Variants in SOX6 observed in about 807,000 individuals in gnomAD.
SOX6 encodes the protein transcription factor SOX-6.
SOX6 carries 11 observed loss-of-function variants against 97.8 expected under a neutral mutation model. That is an observed-to-expected ratio of 0.11 (90% CI 0.07 to 0.19). The LOEUF is 0.19. SOX6 is among the 10% of genes least tolerant of loss of function. The probability of loss-of-function intolerance (pLI) is 1.00; values close to 1 mark genes in which losing one functional copy is unlikely to be tolerated. For missense variants in SOX6, 810 were observed against 1,039.5 expected (o/e 0.78, Z 3.04); for synonymous variants, 360 against 371.4 (o/e 0.97, Z 0.35).
Position 16,431,588 on chromosome 11 carries a change from A to T in SOX6, c.-5+44727T>A, listed in dbSNP as rs563807402. On this transcript the variant is annotated intron_variant, in intron 1 of 15. Transcript: ENST00000396356. The stretch of plus-strand genomic sequence containing the variant: ...AAAACAAATTAAAATATTCCAATTT[A>T]TAAACTAGATGAGGAAAAATAAAAA... Among the ~76,000 whole-genome samples, 8 of 152,284 alleles carry T rather than the reference A, an allele frequency of 5.3e-5. No individual in the cohort carries two copies. In the South Asian group the frequency reaches 1.0e-3, roughly 20 times the overall value.
intron 4 of SOX6, among the ~76,000 whole-genome samples, chr11:16,556,454 C>T (rs1177611107): frequency 6.6e-6 from 1 of 151,704 alleles, no homozygotes; most frequent in Non-Finnish European, 1.5e-5. Context: ...CGTCCCTTGG[C>T]CCAAATATTC....
chr11:16,077,812 A>G (rs75282475), intron 9 of SOX6, among the ~76,000 whole-genome samples: 1 of 152,280 alleles, frequency 6.6e-6, no homozygotes, highest in South Asian at 2.1e-4. Flanking sequence ...ACTTGAAGGC[A>G]GAGAGTAAGA....
rs1379664970 is a variant in SOX6 at position 15,972,990 on chromosome 11, G to A, written c.2306C>T (p.Pro769Leu). The change falls in exon 16 of 16, where the codon CCG (proline) becomes CTG (leucine). Residue 769 changes from proline (P) to leucine (L), a missense_variant. Pro to Leu is a moderately conservative substitution (Grantham distance 98). Transcript: ENST00000683767. ...CTGGATGACCGGGAGGCTGGGCTCC[G>A]GGCTGGCCGAGGTGCTAGAGCAGTC... ...TSDCSSTSAS[P>L]EPSLPVIQST... is the part of the protein sequence containing the mutation. 1.9e-6 allele frequency: 3 copies of A among 1,614,014 alleles called. No homozygotes were observed. The highest frequency in any genetic ancestry group is 1.3e-5 in the African/African-American group (1 of 74,908).
intron 3 of SOX6, among the ~76,000 whole-genome samples, chr11:16,633,650 T>G (rs1848744518): frequency 6.6e-6 from 1 of 152,302 alleles, no homozygotes; most frequent in East Asian, 1.9e-4. Context: ...AGTGTCTTTA[T>G]AGCTGGGAAA....
chr11:16,461,125 T>G (rs1241416623), intron 1 of SOX6, among the ~76,000 whole-genome samples: 1 of 152,110 alleles, frequency 6.6e-6, no homozygotes, highest in African/African-American at 2.4e-5. Flanking sequence ...AGTACAATCA[T>G]TTCCCTCTGA....
At chr11:16,244,193 C>T (rs1164434529) in intron 3 of SOX6, among the ~76,000 whole-genome samples, 2 of 151,818 alleles carry the variant, frequency 1.3e-5, no homozygotes, top group Admixed American at 1.3e-4. Flanking sequence ...AGTGTTAGCA[C>T]TTTAATTTTG....
chr11:16,732,452 T>A (rs1014357095), intron 2 of SOX6, among the ~76,000 whole-genome samples: 2 of 152,148 alleles, frequency 1.3e-5, no homozygotes, highest in African/African-American at 4.8e-5. Flanking sequence ...AACTATCTGA[T>A]CTTTGACGAA....
chr11:16,645,703 C>T (rs567507091), intron 3 of SOX6, among the ~76,000 whole-genome samples: 1 of 152,240 alleles, frequency 6.6e-6, no homozygotes, highest in East Asian at 1.9e-4. Flanking sequence ...CCAAGAAACA[C>T]CAAAGATTTC....
chr11:16,725,267 T>A (rs1490834436), intron 2 of SOX6, among the ~76,000 whole-genome samples: 1 of 152,224 alleles, frequency 6.6e-6, no homozygotes, highest in Non-Finnish European at 1.5e-5. Context: ...CTGATGCCCA[T>A]AATCCCAACA....
At chr11:16,194,677 CAA>C (rs1172990570) in intron 4 of SOX6, among the ~76,000 whole-genome samples, 1 of 152,212 alleles carries the variant, frequency 6.6e-6, no homozygotes, top group Non-Finnish European at 1.5e-5. Flanking sequence ...CAGGCACACT[CAA>C]GTCTCCTACT....
chr11:16,377,156 C>T (rs1257882198), intron 1 of SOX6, among the ~76,000 whole-genome samples: 3 of 151,956 alleles, frequency 2.0e-5, no homozygotes, highest in Admixed American at 6.6e-5. Flanking sequence ...CAGCCTTATT[C>T]TCTTTCAGTA....
chr11:16,610,436 C>G lies in SOX6; in HGVS notation n.609+1645G>C, dbSNP rs914296973. 2.0e-5 allele frequency among the ~76,000 whole-genome samples: 3 copies of G among 152,294 alleles called. No individual in the cohort carries two copies. Among genetic ancestry groups the G allele is most frequent in the East Asian group, 3.9e-4 (2 of 5,168 alleles). On this transcript the variant is annotated intron_variant and non_coding_transcript_variant, in intron 4 of 5. Coordinates refer to the SOX6 transcript ENST00000524520. This position sits in a 1 kb window ranked among gnomAD's most constrained non-coding sequence, Gnocchi z 4.4. ...GCAATCGGGGTTCTGGTGGGCAAGA[C>G]TGACCCTGCCGACCAGATGCAGGCC...
intron 3 of SOX6, among the ~76,000 whole-genome samples, chr11:16,647,165 T>G (rs1282700821): frequency 1.3e-5 from 2 of 152,164 alleles, no homozygotes; most frequent in Admixed American, 1.3e-4. Flanking sequence ...TTGTGAGGCT[T>G]TTCACCCACT....
intron 1 of SOX6, among the ~76,000 whole-genome samples, chr11:16,469,554 T>C (rs1169921691): frequency 6.6e-6 from 1 of 152,122 alleles, no homozygotes; most frequent in Non-Finnish European, 1.5e-5. Context: ...TCAGCTATAC[T>C]GGAAAAACCA....
intron 4 of SOX6, among the ~76,000 whole-genome samples, chr11:16,234,241 CTAT>C (rs1488479200): frequency 2.6e-5 from 4 of 151,968 alleles, no homozygotes; most frequent in Admixed American, 2.0e-4. Context: ...ATAAATTAAG[CTAT>C]TATTATAATT....
At chr11:16,582,151 G>A (rs997409799) in intron 4 of SOX6, among the ~76,000 whole-genome samples, 7 of 151,890 alleles carry the variant, frequency 4.6e-5, no homozygotes, top group African/African-American at 9.7e-5. Context: ...AAATACCAGC[G>A]ACTACCTGGG....
intron 15 of SOX6, among the ~76,000 whole-genome samples, chr11:15,976,366 G>T (rs116960307): frequency 6.6e-6 from 1 of 152,098 alleles, no homozygotes; most frequent in African/African-American, 2.4e-5. Flanking sequence ...GCCTCTCCTC[G>T]TCTATAAATT....
chr11:16,607,259 G>C lies in SOX6; in HGVS notation n.609+4822C>G, dbSNP rs1163545477. Reference sequence around the variant, plus strand: ...TGGGCTCCTGCCCCCTGCCCCCTCCGGCGCCCCAACAGGTAGCTCACAGCG... The same window carrying C: ...TGGGCTCCTGCCCCCTGCCCCCTCCCGCGCCCCAACAGGTAGCTCACAGCG... On this transcript the variant is annotated intron_variant and non_coding_transcript_variant, in intron 4 of 5. Coordinates refer to the SOX6 transcript ENST00000524520. The surrounding 1 kb of genome is among the most constrained non-coding windows in gnomAD (Gnocchi z 6.5). The C allele has an allele frequency of 6.5e-6, 1 of 152,916 alleles. No homozygotes were observed. Among genetic ancestry groups the C allele is most frequent in the East Asian group, 1.9e-4 (1 of 5,198 alleles). The allele number at this position is 152,916 out of a possible 1,614,324, so 9.5% of individuals were successfully genotyped here.
chr11:16,731,769 A>C (rs897524406), intron 2 of SOX6, among the ~76,000 whole-genome samples: 1 of 152,216 alleles, frequency 6.6e-6, no homozygotes, highest in Admixed American at 6.5e-5. Flanking sequence ...AAAGAAATAA[A>C]GGGTATTCAA....
Sources: allele counts gnomAD v4.1 joint callset (sites outside exome capture counted in the v4.1 genomes callset), GRCh38; gene constraint gnomAD v4.1.1; non-coding constraint Gnocchi (gnomAD v3.1); transcripts MANE v1.5; gene names NCBI Gene and HGNC (gene_info 2026-07-23, HGNC 2026-07-21).